CDH12: variants seen among roughly 807,000 people sequenced by gnomAD.
The protein encoded by CDH12 is cadherin-12.
In CDH12, 41 loss-of-function variants were observed where a neutral mutation model predicts 74.1. The ratio of observed to expected loss-of-function variants is 0.55; its 90% CI spans 0.43 to 0.72. The LOEUF is 0.72. Ranked by LOEUF, CDH12 falls within the 30% of genes least tolerant of loss-of-function variation. The pLI, the probability that CDH12 is intolerant of heterozygous loss-of-function variation, is 0.00. For synonymous variants in CDH12, 399 were observed against 355.0 expected (o/e 1.12, Z -1.39); for missense variants, 945 against 977.2 (o/e 0.97, Z 0.44).
At chr5:21,752,991 T>G (rs889985758) in intron 14 of CDH12, among the ~76,000 whole-genome samples, 3 of 152,198 alleles carry the variant, frequency 2.0e-5, no homozygotes, top group African/African-American at 7.2e-5. Flanking sequence ...TTATGTACTT[T>G]TATTATCAAA....
chr5:22,569,897 C>T (rs1285755645), intron 1 of CDH12, among the ~76,000 whole-genome samples: 1 of 152,100 alleles, frequency 6.6e-6, no homozygotes, highest in Non-Finnish European at 1.5e-5. Context: ...ATTTTGACCT[C>T]CTCCCATCAA....
intron 4 of CDH12, among the ~76,000 whole-genome samples, chr5:22,148,587 TCA>T (rs1317856588): frequency 3.3e-5 from 5 of 152,088 alleles, no homozygotes; most frequent in Non-Finnish European, 7.4e-5. Context: ...ATCTGTTTTC[TCA>T]CAGTTTGGGC....
intron 2 of CDH12, among the ~76,000 whole-genome samples, chr5:22,453,633 C>T (rs1745141457): frequency 6.6e-6 from 1 of 152,016 alleles, no homozygotes; most frequent in Non-Finnish European, 1.5e-5. Flanking sequence ...AGTTACACTT[C>T]GCTAGGAGGA....
intron 3 of CDH12, among the ~76,000 whole-genome samples, chr5:22,266,912 A>T (rs1736146280): frequency 6.6e-6 from 1 of 152,142 alleles, no homozygotes; most frequent in Non-Finnish European, 1.5e-5. Flanking sequence ...ATTTCTGGGA[A>T]TTATATTTTA....
chr5:22,500,061 A>G (rs1467015551), intron 2 of CDH12, among the ~76,000 whole-genome samples: 1 of 152,116 alleles, frequency 6.6e-6, no homozygotes, highest in Non-Finnish European at 1.5e-5. Context: ...TGGCATTCTT[A>G]TAAAATTGGC....
intron 5 of CDH12, among the ~76,000 whole-genome samples, chr5:22,033,258 A>G (rs1738950011): frequency 6.6e-6 from 1 of 152,188 alleles, no homozygotes; most frequent in South Asian, 2.1e-4. Flanking sequence ...CATTACAAGA[A>G]CAAACCAAGC....
At chr5:22,647,822 A>G (rs953225901) in intron 1 of CDH12, among the ~76,000 whole-genome samples, 8 of 151,892 alleles carry the variant, frequency 5.3e-5, no homozygotes, top group Admixed American at 5.3e-4. Context: ...GTCAAAACTA[A>G]TATTCCATTA....
rs190328949 is a variant in CDH12 at position 22,312,817 on chromosome 5, T to G, written c.-333+92440A>C. Among the ~76,000 whole-genome samples, 897 of 152,330 alleles carry G rather than the reference T, an allele frequency of 5.9e-3. 9 individuals carry two copies. Among genetic ancestry groups the G allele is most frequent in the South Asian group, 0.013 (62 of 4,834 alleles). On this transcript the variant is annotated intron_variant, in intron 3 of 14. Transcript: ENST00000382254. Reference sequence around the variant, plus strand: ...GAAAATATAGTTTCTTCTCTTTACATCAGATGTATGGACATGAATTGGAGA... The same window carrying G: ...GAAAATATAGTTTCTTCTCTTTACAGCAGATGTATGGACATGAATTGGAGA...
At chr5:22,232,172 G>A (rs769264113) in intron 3 of CDH12, among the ~76,000 whole-genome samples, 9 of 151,500 alleles carry the variant, frequency 5.9e-5, no homozygotes, top group East Asian at 3.9e-4. Context: ...TTTGTTATTC[G>A]TGTGCTTAGT....
chr5:22,819,436 G>A (rs1389679375), intron 1 of CDH12, among the ~76,000 whole-genome samples: 1 of 151,890 alleles, frequency 6.6e-6, no homozygotes, highest in Non-Finnish European at 1.5e-5. Context: ...TCTACCTAAA[G>A]TAAAGTGGGC....
intron 1 of CDH12, among the ~76,000 whole-genome samples, chr5:22,687,306 GAAAT>G (rs1741857069): frequency 6.6e-6 from 1 of 151,720 alleles, no homozygotes; most frequent in Non-Finnish European, 1.5e-5. Context: ...AAAAAAGAAA[GAAAT>G]AAAAAAATGA....
At chr5:22,072,488 G>A (rs1403645780) in intron 5 of CDH12, among the ~76,000 whole-genome samples, 4 of 151,698 alleles carry the variant, frequency 2.6e-5, no homozygotes, top group Non-Finnish European at 5.9e-5. Flanking sequence ...CTTTTGGACG[G>A]AGTCATAGAC....
intron 3 of CDH12, among the ~76,000 whole-genome samples, chr5:22,325,906 T>C (rs1310234599): frequency 6.6e-6 from 1 of 151,896 alleles, no homozygotes; most frequent in Non-Finnish European, 1.5e-5. Flanking sequence ...AGACTCCGTC[T>C]CAGAACAACA....
rs115634679 is a variant in CDH12 at position 22,208,528 on chromosome 5, G to A, written c.-187+3970C>T. Among the ~76,000 whole-genome samples, 1,064 of 152,154 alleles carry A rather than the reference G, an allele frequency of 7.0e-3. 16 individuals are homozygous for A. The highest frequency in any genetic ancestry group is 0.024 in the African/African-American group (1,002 of 41,486). On this transcript the variant is annotated intron_variant, in intron 4 of 14. Coordinates refer to ENST00000382254, the MANE Select transcript of CDH12 (RefSeq NM_004061.5). ...GATTTCCACAGACTGTCCTTTTTAC[G>A]TTTCTCAACTTCTTTTCCTGGCCAC...
At chr5:21,772,803 T>C (rs1356778038) in intron 11 of CDH12, among the ~76,000 whole-genome samples, 5 of 152,210 alleles carry the variant, frequency 3.3e-5, no homozygotes, top group Non-Finnish European at 7.4e-5. Context: ...ATAATTTTTA[T>C]CCAAATTTCA....
At chr5:22,094,684 T>G (rs1743638790) in intron 4 of CDH12, among the ~76,000 whole-genome samples, 1 of 152,180 alleles carries the variant, frequency 6.6e-6, no homozygotes, top group Non-Finnish European at 1.5e-5. Context: ...GATTTAAAGA[T>G]GCACAAACAA....
intron 7 of CDH12, among the ~76,000 whole-genome samples, chr5:21,851,768 T>G (rs1433145329): frequency 2.0e-5 from 3 of 151,516 alleles, no homozygotes; most frequent in Admixed American, 6.6e-5. Flanking sequence ...TTATATTGTT[T>G]AGAAATGAAC....
intron 5 of CDH12, among the ~76,000 whole-genome samples, chr5:22,034,905 A>G (rs1272938005): frequency 6.6e-6 from 1 of 152,222 alleles, no homozygotes; most frequent in Non-Finnish European, 1.5e-5. Context: ...CAGGTACAGT[A>G]AGTCATCGGT....
In CDH12 at chr5:22,418,748, G is replaced by A. The variant is rs148741322; in HGVS notation, c.-427-13397C>T. Among the ~76,000 whole-genome samples, 561 of 152,202 alleles carry A rather than the reference G, an allele frequency of 3.7e-3. 8 individuals are homozygous for A. Among genetic ancestry groups the A allele is most frequent in the African/African-American group, 0.013 (532 of 41,530 alleles). On this transcript the variant is annotated intron_variant, in intron 2 of 14. Transcript: ENST00000382254. ...AAACTACAAAAACTAGCCCGGCATG[G>A]TGGCAGGCTCCTGTAATCCCAGCTA...
Sources: allele counts gnomAD v4.1 joint callset (sites outside exome capture counted in the v4.1 genomes callset), GRCh38; gene constraint gnomAD v4.1.1; transcripts MANE v1.5; gene names NCBI Gene and HGNC (gene_info 2026-07-23, HGNC 2026-07-21).